Variants in FAM240B observed in about 807,000 individuals in gnomAD.
The protein encoded by FAM240B is family with sequence similarity 240 member B.
intron 1 of FAM240B, among the ~76,000 whole-genome samples, chr9:38,719,691 C>T (rs1821349720): frequency 6.6e-6 from 1 of 152,196 alleles, no homozygotes; most frequent in Non-Finnish European, 1.5e-5. Context: ...TATCCATCAA[C>T]CAACATGAGA....
chr9:38,701,888 A>G (rs1018250684), intron 2 of FAM240B, among the ~76,000 whole-genome samples: 1 of 147,382 alleles, frequency 6.8e-6, no homozygotes, highest in Non-Finnish European at 1.5e-5. Flanking sequence ...CATTACAGAA[A>G]CTTTGGAAAA....
Position 38,710,597 on chromosome 9 carries a change from G to T in FAM240B, c.-3-6595C>A, listed in dbSNP as rs1399037483. Among the ~76,000 whole-genome samples the T allele has an allele frequency of 2.0e-5, 3 of 152,184 alleles. No individual in the cohort carries two copies. In the East Asian group the frequency reaches 5.8e-4, roughly 29 times the overall value. ...CCTTTTTAAAGTATAGGCAGTGGGG[G>T]GAAATGCATTGGTTTTGGCCAATGA... On this transcript the variant is annotated intron_variant, in intron 1 of 2. Coordinates refer to ENST00000637493, the MANE Select transcript of FAM240B (RefSeq NM_001394922.1).
At chr9:38,709,639 G>A (rs1423765315) in intron 1 of FAM240B, among the ~76,000 whole-genome samples, 3 of 152,158 alleles carry the variant, frequency 2.0e-5, no homozygotes, top group Non-Finnish European at 2.9e-5. Context: ...AGGGAAAGCC[G>A]CTGTGATCTC....
At chr9:38,706,909 G>A (rs1821197919) in intron 1 of FAM240B, among the ~76,000 whole-genome samples, 1 of 152,178 alleles carries the variant, frequency 6.6e-6, no homozygotes, top group Admixed American at 6.5e-5. Context: ...CCAGGGTGTG[G>A]AATGCATGCC....
In FAM240B at chr9:38,702,510, C is replaced by T. The variant is rs1563999588; in HGVS notation, c.143+1347G>A. 3.9e-5 allele frequency among the ~76,000 whole-genome samples: 6 copies of T among 152,298 alleles called. No individual in the cohort carries two copies. The South Asian group carries it at 8.3e-4, about 21-fold the overall frequency. On this transcript the variant is annotated intron_variant, in intron 2 of 2. Coordinates refer to ENST00000637493, the MANE Select transcript of FAM240B (RefSeq NM_001394922.1). ...AGCAAACAGACAGCCTGGCTAGCCT[C>T]TCCCATTTTAGGGACAGAGAACCCG...
chr9:38,695,318 C>G (rs368187043), intron 2 of FAM240B, among the ~76,000 whole-genome samples: 7 of 152,334 alleles, frequency 4.6e-5, no homozygotes, highest in East Asian at 1.9e-4. Context: ...GTCAGGAGAT[C>G]GAGACCATCC....
rs1193778952 is a variant in FAM240B, at chr9:38,696,002, T to C, written c.144-1133A>G. 2.0e-5 allele frequency among the ~76,000 whole-genome samples: 3 copies of C among 152,208 alleles called. No homozygotes were observed. In the East Asian group the frequency reaches 5.8e-4, roughly 29 times the overall value. ...ATGTATCTATATTCAAACAATGGGC[T>C]TGGAATCTGCTACAGTCTGAACGTG... On this transcript the variant is annotated intron_variant, in intron 2 of 2. Transcript: ENST00000637493.
intron 1 of FAM240B, among the ~76,000 whole-genome samples, chr9:38,706,627 G>C (rs1821193348): frequency 1.3e-5 from 2 of 152,164 alleles, no homozygotes; most frequent in East Asian, 3.9e-4. Context: ...TCTGCTTTCT[G>C]GGTAAGGGAA....
chr9:38,701,782 T>C (rs1821130609), intron 2 of FAM240B, among the ~76,000 whole-genome samples: 1 of 152,192 alleles, frequency 6.6e-6, no homozygotes, highest in Non-Finnish European at 1.5e-5. Flanking sequence ...CTAGGGAACA[T>C]GGGAGCCTGG....
intron 1 of FAM240B, among the ~76,000 whole-genome samples, chr9:38,713,790 G>C (rs138590899): frequency 7.7e-4 from 117 of 152,362 alleles, no homozygotes; most frequent in African/African-American, 2.6e-3. Flanking sequence ...GGTAAATGGT[G>C]ATGATAGGTG....
intron 2 of FAM240B, among the ~76,000 whole-genome samples, chr9:38,698,605 C>A (rs1821091584): frequency 6.6e-6 from 1 of 152,192 alleles, no homozygotes; most frequent in Non-Finnish European, 1.5e-5. Flanking sequence ...AGTTTCCTTC[C>A]AATTTTTCAT....
At chr9:38,694,890 A>AG in intron 2 of FAM240B, 21 bp from the exon 3 acceptor site, 1 of 398,664 alleles carries the variant, frequency 2.5e-6, no homozygotes, top group East Asian at 3.6e-5. Flanking sequence ...GAAACCGTGC[A>AG]CATGCTCAGT....
intron 2 of FAM240B, 132 bp downstream of exon 2, chr9:38,703,725 G>A (rs1821155435): frequency 2.5e-6 from 1 of 395,896 alleles, no homozygotes; most frequent in Non-Finnish European, 4.4e-6. Flanking sequence ...CAGAATTTAT[G>A]CTTTCATGTA....
chr9:38,700,227 A>T (rs1821109983), intron 2 of FAM240B, among the ~76,000 whole-genome samples: 1 of 152,238 alleles, frequency 6.6e-6, no homozygotes, highest in African/African-American at 2.4e-5. Flanking sequence ...AAAGTTTGAA[A>T]TAGCGATTTC....
chr9:38,702,075 A>T (rs923614855), intron 2 of FAM240B, among the ~76,000 whole-genome samples: 7 of 152,222 alleles, frequency 4.6e-5, no homozygotes, highest in African/African-American at 1.7e-4. Context: ...GGAAGGGAAG[A>T]TACAGCACAG....
chr9:38,702,722 C>G (rs942870525), intron 2 of FAM240B, among the ~76,000 whole-genome samples: 1 of 152,126 alleles, frequency 6.6e-6, no homozygotes, highest in African/African-American at 2.4e-5. Context: ...GAGGGAAAGA[C>G]CACATTACCC....
chr9:38,702,132 G>T (rs543021776), intron 2 of FAM240B, among the ~76,000 whole-genome samples: 75 of 152,288 alleles, frequency 4.9e-4, no homozygotes, highest in African/African-American at 1.7e-3. Context: ...GGCCAGGACT[G>T]GGGGACGGAA....
At chr9:38,719,220 A>G (rs755020245) in intron 1 of FAM240B, among the ~76,000 whole-genome samples, 2 of 152,082 alleles carry the variant, frequency 1.3e-5, no homozygotes, top group Non-Finnish European at 2.9e-5. Flanking sequence ...TTCGATAAAT[A>G]AGCAATTCTG....
chr9:38,706,270 T>G (rs1238307835), intron 1 of FAM240B, among the ~76,000 whole-genome samples: 2 of 152,188 alleles, frequency 1.3e-5, no homozygotes, highest in African/African-American at 4.8e-5. Flanking sequence ...GAGGCATTGA[T>G]AGACAGTGTT....
Sources: allele counts gnomAD v4.1 joint callset (sites outside exome capture counted in the v4.1 genomes callset), GRCh38; gene constraint gnomAD v4.1.1; transcripts MANE v1.5; gene names NCBI Gene and HGNC (gene_info 2026-07-23, HGNC 2026-07-21).